BCL2L15: variants seen among roughly 807,000 people sequenced by gnomAD.
BCL2L15 encodes the protein bcl-2-like protein 15.
In BCL2L15, 15 loss-of-function variants were observed where a neutral mutation model predicts 18.3. The observed-to-expected ratio is 0.82, with a 90% CI of 0.55 to 1.26. The LOEUF (loss-of-function observed/expected upper bound fraction) is 1.26, where lower values mean the gene tolerates loss of function less well. Ranked by LOEUF, BCL2L15 falls within the 50% of genes most tolerant of loss-of-function variation. The pLI, the probability that BCL2L15 is intolerant of heterozygous loss-of-function variation, is 0.00. For missense variants in BCL2L15, 180 were observed against 201.7 expected (o/e 0.89, Z 0.65); for synonymous variants, 58 against 68.5 (o/e 0.85, Z 0.76).
chr1:113,887,461 C>G lies in BCL2L15; in HGVS notation c.-86G>C. On this transcript the variant is annotated 5_prime_UTR_variant, in exon 1 of 4. Coordinates refer to ENST00000393316, the MANE Select transcript of BCL2L15 (RefSeq NM_001010922.3). ...GAAGTTAAAAACACTGGTAAATCAA[C>G]AAATGTTTCTACCTCTTGTAGTTTC... The G allele has an allele frequency of 2.5e-6, 4 of 1,582,152 alleles. No homozygotes were observed. Among genetic ancestry groups the G allele is most frequent in the Non-Finnish European group, 3.5e-6 (4 of 1,158,970 alleles).
intron 1 of BCL2L15, 99 bp downstream of exon 1, chr1:113,887,150 G>T: frequency 1.8e-6 from 2 of 1,133,904 alleles, no homozygotes; most frequent in African/African-American, 1.5e-5. Flanking sequence ...CACCCACCTT[G>T]GCCTCCCAAA....
Position 113,879,839 on chromosome 1 carries a change from A to G in BCL2L15, c.*1284T>C, listed in dbSNP as rs2102241310. The G allele has an allele frequency of 6.6e-6, 1 of 152,344 alleles. No homozygotes were observed. The highest frequency in any genetic ancestry group is 1.5e-5 in the Non-Finnish European group (1 of 68,032). The allele number at this position is 152,344 out of a possible 1,614,324, so 9.4% of individuals were successfully genotyped here. ...AAGTGAATGTTGCTCTATTCCAATA[A>G]AACTTTATTTACAAAATAAGACAGC... On this transcript the variant is annotated 3_prime_UTR_variant, in exon 4 of 4. Coordinates refer to ENST00000393316, the MANE Select transcript of BCL2L15 (RefSeq NM_001010922.3).
Position 113,880,436 on chromosome 1 carries a change from C to G in BCL2L15, c.*687G>C, listed in dbSNP as rs570070485. The G allele has an allele frequency of 6.6e-6, 1 of 152,300 alleles. No individual in the cohort carries two copies. Among genetic ancestry groups the G allele is most frequent in the African/African-American group, 2.4e-5 (1 of 41,442 alleles). The allele number at this position is 152,300 out of a possible 1,614,324, so 9.4% of individuals were successfully genotyped here. A position where few individuals can be genotyped will look rare whatever the true frequency, so the allele number is the denominator to read the frequency against. On this transcript the variant is annotated 3_prime_UTR_variant, in exon 4 of 4. Coordinates refer to ENST00000393316, the MANE Select transcript of BCL2L15 (RefSeq NM_001010922.3). ...GGTCAGGAGATCCAGACCATCCTGG[C>G]TAACACGGCGAAACCTCATCTCTAC...
At position 113,881,766 on chromosome 1, in the gene BCL2L15, A is replaced by C. The variant is rs1490569357; in HGVS notation, c.474+7T>G. On this transcript the variant is annotated splice_region_variant and intron_variant, in intron 3 of 3. Transcript: ENST00000393316. ...CCTAGCAAAACCAGGAGCCCCAACA[A>C]ACTTACCCAACCTCCCTGGCCCTGG... is the stretch of plus-strand genomic sequence containing the variant. The C allele has an allele frequency of 6.2e-7, 1 of 1,612,186 alleles. No individual in the cohort carries two copies. The highest frequency in any genetic ancestry group is 1.3e-5 in the African/African-American group (1 of 74,886).
In BCL2L15 at chr1:113,877,267, T is replaced by TG. The variant is rs1229008547; in HGVS notation, c.*3855dup. The stretch of plus-strand genomic sequence containing the variant: ...ATATAGGGCAGTTAGGGCCAGATAC[T>TG]GGGGGAATTTGAATATCAGACTGTT... On this transcript the variant is annotated 3_prime_UTR_variant, in exon 4 of 4. Coordinates refer to ENST00000393316, the MANE Select transcript of BCL2L15 (RefSeq NM_001010922.3). Among the ~76,000 whole-genome samples, 1 of 151,504 alleles carries TG rather than the reference T, an allele frequency of 6.6e-6. No homozygotes were observed. The highest frequency in any genetic ancestry group is 2.4e-5 in the African/African-American group (1 of 41,200).
At position 113,887,425 on chromosome 1, in the gene BCL2L15, C is replaced by T. The variant is rs771990795; in HGVS notation, c.-50G>A. On this transcript the variant is annotated 5_prime_UTR_variant, in exon 1 of 4. Coordinates refer to ENST00000393316, the MANE Select transcript of BCL2L15 (RefSeq NM_001010922.3). The stretch of plus-strand genomic sequence containing the variant: ...GCTTTTCCACGAAACAAGCAGTTTT[C>T]AGCCCAGCAGGAAGTTAAAAACACT... 2.8e-5 allele frequency: 45 copies of T among 1,611,634 alleles called. No homozygotes were observed. Among genetic ancestry groups the T allele is most frequent in the Non-Finnish European group, 3.6e-5 (43 of 1,178,418 alleles).
In BCL2L15 at chr1:113,877,312, G is replaced by A. The variant is rs928964772; in HGVS notation, c.*3811C>T. ...ACTGTTATTTGATGAACAGTAGGGA[G>A]CAGCTGAAGGTTTTTTTTTTTTTTT... On this transcript the variant is annotated 3_prime_UTR_variant, in exon 4 of 4. Coordinates refer to ENST00000393316, the MANE Select transcript of BCL2L15 (RefSeq NM_001010922.3). Among the ~76,000 whole-genome samples the A allele has an allele frequency of 6.7e-6, 1 of 148,804 alleles. No individual in the cohort carries two copies. Among genetic ancestry groups the A allele is most frequent in the Middle Eastern group, 3.2e-3 (1 of 310 alleles).
intron 2 of BCL2L15, among the ~76,000 whole-genome samples, chr1:113,885,854 G>A (rs1196210990): frequency 4.0e-5 from 6 of 151,606 alleles, no homozygotes; most frequent in African/African-American, 1.5e-4. Context: ...GTTGCAGTGA[G>A]CCGAGATCGC....
intron 2 of BCL2L15, among the ~76,000 whole-genome samples, chr1:113,885,669 G>A (rs935701055): frequency 5.3e-5 from 8 of 152,108 alleles, no homozygotes; most frequent in Non-Finnish European, 8.8e-5. Flanking sequence ...TGATCCGCCC[G>A]GCTAATTTTT....
chr1:113,886,525 T>C lies in BCL2L15; in HGVS notation c.249+12A>G. ...AAAAGCAGCAAACAATAGCATGAAGTAGAAACTTGACCTGTCCCTTAATGG... is the reference window on the plus strand; with the variant it reads ...AAAAGCAGCAAACAATAGCATGAAGCAGAAACTTGACCTGTCCCTTAATGG... On this transcript the variant is annotated intron_variant, in intron 2 of 3. Coordinates refer to ENST00000393316, the MANE Select transcript of BCL2L15 (RefSeq NM_001010922.3). 1 of 1,598,276 alleles carries C rather than the reference T, an allele frequency of 6.3e-7. No homozygotes were observed. The highest frequency in any genetic ancestry group is 8.5e-7 in the Non-Finnish European group (1 of 1,176,056).
intron 2 of BCL2L15, among the ~76,000 whole-genome samples, chr1:113,886,034 C>A (rs569749640): frequency 2.6e-5 from 4 of 151,764 alleles, no homozygotes; most frequent in African/African-American, 9.7e-5. Context: ...ATGGCAAAAA[C>A]CCATCTTTAC....
chr1:113,878,057 G>A lies in BCL2L15; in HGVS notation c.*3066C>T, dbSNP rs1482480163. On this transcript the variant is annotated 3_prime_UTR_variant, in exon 4 of 4. Coordinates refer to ENST00000393316, the MANE Select transcript of BCL2L15 (RefSeq NM_001010922.3). Reference sequence around the variant, plus strand: ...TTAAGAGTGGTTTGCATCTGTGAGAGACAGGGTTAATGGAGAGAGAAAAAA... The same window carrying A: ...TTAAGAGTGGTTTGCATCTGTGAGAAACAGGGTTAATGGAGAGAGAAAAAA... 1.3e-5 allele frequency: 2 copies of A among 152,368 alleles called. No homozygotes were observed. Among genetic ancestry groups the A allele is most frequent in the African/African-American group, 4.8e-5 (2 of 41,454 alleles). 9.4% of individuals were successfully genotyped at this position (152,368 alleles called of 1,614,324 possible). A position where few individuals can be genotyped will look rare whatever the true frequency, so the allele number is the denominator to read the frequency against.
At position 113,878,437 on chromosome 1, in the gene BCL2L15, C is replaced by A. The variant is rs867807392; in HGVS notation, c.*2686G>T. On this transcript the variant is annotated 3_prime_UTR_variant, in exon 4 of 4. Transcript: ENST00000393316. ...TCTCTTAAAATACACAACACCTAGG[C>A]CAGAGCTGCTTAACGCATTTGCCTA... The A allele has an allele frequency of 1.7e-4, 26 of 152,472 alleles. No individual in the cohort carries two copies. The Middle Eastern group carries it at 0.014, about 80-fold the overall frequency. The allele number at this position is 152,472 out of a possible 1,614,324, so 9.4% of individuals were successfully genotyped here. A position where few individuals can be genotyped will look rare whatever the true frequency, so the allele number is the denominator to read the frequency against.
At position 113,881,033 on chromosome 1, in the gene BCL2L15, T is replaced by G; in HGVS notation, c.*90A>C. 1 of 1,592,792 alleles carries G rather than the reference T, an allele frequency of 6.3e-7. No individual in the cohort carries two copies. Among genetic ancestry groups the G allele is most frequent in the Non-Finnish European group, 8.6e-7 (1 of 1,163,014 alleles). ...GTTCTGATAAAATGAAAAAAGTGCT[T>G]TTTTATTTGTTTGTTTGAATTCCCA... On this transcript the variant is annotated 3_prime_UTR_variant, in exon 4 of 4. Transcript: ENST00000393316.
At position 113,881,133 on chromosome 1, in the gene BCL2L15, A is replaced by G. The variant is rs1314034433; in HGVS notation, c.482T>C (p.Leu161Pro). The G allele has an allele frequency of 6.2e-7, 1 of 1,614,186 alleles. No individual in the cohort carries two copies. ...AATAGCTCCAACTCTTCAGCTCTCC[A>G]GATTTTCCTAGGGAAGACAGAGAAA... ...FIQGQGGWEN[L>P]ES Residue 161 changes from leucine (L) to proline (P), a missense_variant, in exon 4 of 4, where the codon CTG becomes CCG. By Grantham distance (98) the Leu-to-Pro change is moderately conservative. Coordinates refer to ENST00000393316, the MANE Select transcript of BCL2L15 (RefSeq NM_001010922.3).
Sources: allele counts gnomAD v4.1 joint callset (sites outside exome capture counted in the v4.1 genomes callset), GRCh38; gene constraint gnomAD v4.1.1; transcripts MANE v1.5; gene names NCBI Gene and HGNC (gene_info 2026-07-23, HGNC 2026-07-21).